Variants in DPP3 observed in about 807,000 individuals in gnomAD.
DPP3 encodes the protein DPP III.
In DPP3, 64 loss-of-function variants were observed where a neutral mutation model predicts 89.8. The ratio of observed to expected loss-of-function variants is 0.71; its 90% CI spans 0.58 to 0.88. The LOEUF (loss-of-function observed/expected upper bound fraction) is 0.88. Ranked by LOEUF, DPP3 falls within the 40% of genes least tolerant of loss-of-function variation. The pLI is 0.00. For missense variants in DPP3, 835 were observed against 972.5 expected (o/e 0.86, Z 1.88); for synonymous variants, 377 against 404.3 (o/e 0.93, Z 0.81).
chr11:66,496,157 G>A (rs1191762601), intron 15 of DPP3, among the ~76,000 whole-genome samples: 1 of 152,204 alleles, frequency 6.6e-6, no homozygotes, highest in Non-Finnish European at 1.5e-5. Flanking sequence ...GCCAGGATTC[G>A]CATCCATACA....
At chr11:66,507,475 AATAAT>A (rs2134757343) in intron 17 of DPP3, among the ~76,000 whole-genome samples, 1 of 151,822 alleles carries the variant, frequency 6.6e-6, no homozygotes, top group East Asian at 1.9e-4. Context: ...TAAAAAAAAA[AATAAT>A]AATAATAATC....
intron 16 of DPP3, among the ~76,000 whole-genome samples, chr11:66,502,545 C>T (rs1418716367): frequency 6.6e-6 from 1 of 151,674 alleles, no homozygotes; most frequent in Admixed American, 6.6e-5. Context: ...TCTCAGCTCA[C>T]TGCAAGCTCC....
At chr11:66,495,893 C>T in intron 15 of DPP3, 143 bp downstream of exon 15, 1 of 1,384,048 alleles carries the variant, frequency 7.2e-7, no homozygotes, top group South Asian at 1.4e-5. Context: ...AGGCAAGTCA[C>T]ATCACTCTTG....
At chr11:66,483,225 C>A (rs1855137166) in intron 2 of DPP3, 1 of 152,126 alleles carries the variant, frequency 6.6e-6, no homozygotes, top group African/African-American at 2.4e-5. Flanking sequence ...TGGGTTTTCA[C>A]CATGTTGCCC....
rs1030469743 is a variant in DPP3, at chr11:66,505,782, A to G, written c.2041+1008A>G. 4.0e-5 allele frequency among the ~76,000 whole-genome samples: 6 copies of G among 150,500 alleles called. No individual in the cohort carries two copies. In the Admixed American group the frequency reaches 4.0e-4, roughly 10 times the overall value. On this transcript the variant is annotated intron_variant, in intron 17 of 17. Coordinates refer to ENST00000531863, the MANE Select transcript of DPP3 (RefSeq NM_130443.4). Reference sequence around the variant, plus strand: ...AGGATTGCTTGAGCCCAGGAGTTCAATGCTACAGAGCAAGACCTCAACTCT... The same window carrying G: ...AGGATTGCTTGAGCCCAGGAGTTCAGTGCTACAGAGCAAGACCTCAACTCT...
chr11:66,487,493 C>A, intron 5 of DPP3, 151 bp downstream of exon 5: 1 of 817,756 alleles, frequency 1.2e-6, no homozygotes, highest in Non-Finnish European at 1.9e-6. Flanking sequence ...GGCTATAGAG[C>A]CTAATGACAG....
chr11:66,489,602 CT>C (rs1855321913), intron 6 of DPP3, among the ~76,000 whole-genome samples: 1 of 152,336 alleles, frequency 6.6e-6, no homozygotes, highest in Admixed American at 6.5e-5. Flanking sequence ...TAATCTATTG[CT>C]GTGGAACAAA....
chr11:66,497,587 G>A, intron 16 of DPP3, 110 bp downstream of exon 16: 1 of 1,411,128 alleles, frequency 7.1e-7, no homozygotes, highest in Non-Finnish European at 9.4e-7. Context: ...CTGCAGTGAG[G>A]AAAGGTAGCC....
chr11:66,485,236 A>G lies in DPP3; in HGVS notation c.334A>G (p.Thr112Ala). ...NMGNYKSFGD[T>A]KFVPNLPKEK... ...GGGCAACTACAAGTCCTTTGGTGACACCAAGTTTGTTCCCAACTTGCCCAA... is the reference window on the plus strand; with the variant it reads ...GGGCAACTACAAGTCCTTTGGTGACGCCAAGTTTGTTCCCAACTTGCCCAA... Residue 112 changes from threonine to alanine, a missense_variant, in exon 3 of 18, where the codon ACC (threonine) becomes GCC (alanine). Thr to Ala is a moderately conservative substitution (Grantham distance 58). Transcript: ENST00000531863. 6.2e-7 allele frequency: 1 copy of G among 1,614,048 alleles called. No individual in the cohort carries two copies. The highest frequency in any genetic ancestry group is 1.1e-5 in the South Asian group (1 of 91,074).
Position 66,504,755 on chromosome 11 carries a change from G to C in DPP3, c.2022G>C (p.Gln674His), listed in dbSNP as rs1338354991. 6.2e-7 allele frequency: 1 copy of C among 1,612,056 alleles called. No individual in the cohort carries two copies. Among genetic ancestry groups the C allele is most frequent in the South Asian group, 1.1e-5 (1 of 90,892 alleles). Residue 674 changes from glutamine (Q) to histidine (H), a missense_variant, in exon 17 of 18, where the codon CAG (glutamine) becomes CAC (histidine). Transcript: ENST00000531863. ...LRKESRKLIV[Q>H]PNTRLEGSDV... ...AGGAATCTCGGAAGCTCATTGTTCA[G>C]CCCAACACTCGCCTTGAAGGTAATG...
At chr11:66,499,426 A>G (rs888234906) in intron 16 of DPP3, among the ~76,000 whole-genome samples, 3 of 152,048 alleles carry the variant, frequency 2.0e-5, no homozygotes, top group Admixed American at 2.0e-4. Flanking sequence ...GGCCCCGCTT[A>G]TCCACAGTTT....
At position 66,504,791 on chromosome 11, in the gene DPP3, G is replaced by A; in HGVS notation, c.2041+17G>A. ...GCCTTGAAGGTAATGAGGTAATGAG[G>A]GAGCTCTTGAGCTCCCTTGATGAGC... On this transcript the variant is annotated intron_variant, in intron 17 of 17. Transcript: ENST00000531863. 3.7e-6 allele frequency: 6 copies of A among 1,602,252 alleles called. No individual in the cohort carries two copies. Among genetic ancestry groups the A allele is most frequent in the Non-Finnish European group, 5.1e-6 (6 of 1,174,240 alleles).
At chr11:66,503,393 T>C (rs1373550439) in intron 16 of DPP3, among the ~76,000 whole-genome samples, 2 of 152,238 alleles carry the variant, frequency 1.3e-5, no homozygotes, top group African/African-American at 4.8e-5. Flanking sequence ...CACTGATCTG[T>C]GTTTCTCACT....
intron 3 of DPP3, 139 bp downstream of exon 3, chr11:66,485,401 CTG>C (rs1855199181): frequency 2.5e-6 from 2 of 800,862 alleles, no homozygotes; most frequent in Non-Finnish European, 4.0e-6. Context: ...CCCTGCATGA[CTG>C]TGGGTGTCAC....
chr11:66,489,951 C>T (rs902005112), intron 6 of DPP3, among the ~76,000 whole-genome samples: 1 of 152,084 alleles, frequency 6.6e-6, no homozygotes, highest in African/African-American at 2.4e-5. Context: ...ACATGGTGTC[C>T]CTGCTGCTGA....
At chr11:66,497,628 C>G in intron 16 of DPP3, 151 bp downstream of exon 16, 1 of 1,140,610 alleles carries the variant, frequency 8.8e-7, no homozygotes, top group Admixed American at 2.9e-5. Flanking sequence ...GGGTGCCTCA[C>G]GCCTGTGATC....
rs1484673955 is a variant in DPP3, at chr11:66,509,362, T to C, written c.*111T>C. On this transcript the variant is annotated 3_prime_UTR_variant, in exon 18 of 18. Coordinates refer to ENST00000531863, the MANE Select transcript of DPP3 (RefSeq NM_130443.4). ...GGGGGAGGGGCAGGAGCTTGGACCT[T>C]GGTACTACCTCAGCTGAGGGTGGTG... is the stretch of plus-strand genomic sequence containing the variant. The C allele has an allele frequency of 1.3e-5, 20 of 1,542,618 alleles. No individual in the cohort carries two copies. Among genetic ancestry groups the C allele is most frequent in the Non-Finnish European group, 1.7e-5 (19 of 1,146,818 alleles).
chr11:66,501,825 C>CAAAAAAAAAAAAAAAA lies in DPP3; in HGVS notation c.1879-2772_1879-2771insAAAAAAAAAAAAAAAA, dbSNP rs35196491. Among the ~76,000 whole-genome samples the CAAAAAAAAAAAAAAAA allele has an allele frequency of 3.3e-3, 282 of 84,378 alleles. 3 individuals carry two copies. Among genetic ancestry groups the CAAAAAAAAAAAAAAAA allele is most frequent in the African/African-American group, 0.013 (273 of 21,144 alleles). The allele number at this position is 84,378 out of a possible 152,430, so 55.4% of individuals were successfully genotyped here. A position where few individuals can be genotyped will look rare whatever the true frequency, so the allele number is the denominator to read the frequency against. ...GGGTAATAGACTGAGACTTTGTCTC[C>CAAAAAAAAAAAAAAAA]AAAAAAAAAAAAAAAGCAGGCAAGA... On this transcript the variant is annotated intron_variant, in intron 16 of 17. Coordinates refer to ENST00000531863, the MANE Select transcript of DPP3 (RefSeq NM_130443.4).
chr11:66,495,703 C>G lies in DPP3; in HGVS notation c.1651C>G (p.Leu551Val). Residue 551 changes from leucine to valine, a missense_variant, in exon 15 of 18, where the codon CTG becomes GTG. Coordinates refer to ENST00000531863, the MANE Select transcript of DPP3 (RefSeq NM_130443.4). ...VNWLNMVRAG[L>V]LALEFYTPEA... is the part of the protein sequence containing the mutation. Reference sequence around the variant, plus strand: ...CTGGCTCAACATGGTTCGGGCCGGGCTGCTCGCTCTGGAGTTCTACACACC... The same window carrying G: ...CTGGCTCAACATGGTTCGGGCCGGGGTGCTCGCTCTGGAGTTCTACACACC... 6.2e-7 allele frequency: 1 copy of G among 1,613,352 alleles called. No individual in the cohort carries two copies. Among genetic ancestry groups the G allele is most frequent in the Non-Finnish European group, 8.5e-7 (1 of 1,179,810 alleles).
Sources: allele counts gnomAD v4.1 joint callset (sites outside exome capture counted in the v4.1 genomes callset), GRCh38; gene constraint gnomAD v4.1.1; transcripts MANE v1.5; gene names NCBI Gene and HGNC (gene_info 2026-07-23, HGNC 2026-07-21).